The following C9orf85 variants were observed in gnomAD, a reference collection of about 807,000 sequenced individuals.
C9orf85 encodes uncharacterized protein C9orf85.
C9orf85 carries 16 observed loss-of-function variants against 14.9 expected under a neutral mutation model. That is an observed-to-expected ratio of 1.08 (90% CI 0.73 to 1.63). C9orf85 has a LOEUF of 1.63. Among genes scored for constraint, C9orf85 ranks in the 40% most tolerant of loss-of-function variants. The probability of loss-of-function intolerance (pLI) is 0.00; values close to 1 mark genes in which losing one functional copy is unlikely to be tolerated. For synonymous variants in C9orf85, 45 were observed against 56.8 expected (o/e 0.79, Z 0.93); for missense variants, 172 against 186.1 (o/e 0.92, Z 0.44).
chr9:71,971,619 G>T lies in C9orf85; in HGVS notation c.323+1G>T. On this transcript the variant is annotated splice_donor_variant, in intron 3 of 3. Coordinates refer to ENST00000334731, the MANE Select transcript of C9orf85 (RefSeq NM_182505.5). LOFTEE classifies it high-confidence loss of function. ...GAAAGAAAGAAGACATTGTTATTCC[G>T]TGAGTGTTTCCTTTTATGTTTGAAT... is the stretch of plus-strand genomic sequence containing the variant. 1 of 1,579,154 alleles carries T rather than the reference G, an allele frequency of 6.3e-7. No homozygotes were observed. The highest frequency in any genetic ancestry group is 8.7e-7 in the Non-Finnish European group (1 of 1,149,866).
chr9:71,980,908 T>A (rs1357205550), intron 3 of C9orf85, among the ~76,000 whole-genome samples: 1 of 152,174 alleles, frequency 6.6e-6, no homozygotes, highest in Non-Finnish European at 1.5e-5. Flanking sequence ...TCATAAATAA[T>A]TTGGAAACAA....
At chr9:71,917,314 T>C (rs1376326917) in intron 1 of C9orf85, among the ~76,000 whole-genome samples, 1 of 152,172 alleles carries the variant, frequency 6.6e-6, no homozygotes, top group Admixed American at 6.5e-5. Flanking sequence ...TCACATGCCA[T>C]ACATGTGGGC....
chr9:71,912,979 T>C (rs770786117), intron 1 of C9orf85, among the ~76,000 whole-genome samples: 11 of 152,258 alleles, frequency 7.2e-5, no homozygotes, highest in Admixed American at 2.0e-4. Flanking sequence ...AACAGGGGCA[T>C]ATTAGGGGCC....
At chr9:71,930,947 G>T (rs1444711241) in intron 1 of C9orf85, among the ~76,000 whole-genome samples, 1 of 152,130 alleles carries the variant, frequency 6.6e-6, no homozygotes, top group Non-Finnish European at 1.5e-5. Flanking sequence ...TAAGGCAGAG[G>T]TAATTCAGTG....
chr9:71,952,625 A>G (rs1407904530), intron 2 of C9orf85, among the ~76,000 whole-genome samples: 1 of 152,100 alleles, frequency 6.6e-6, no homozygotes, highest in African/African-American at 2.4e-5. Flanking sequence ...AGCCTCCCCA[A>G]GTGCTGGGAT....
intron 2 of C9orf85, among the ~76,000 whole-genome samples, chr9:71,959,921 T>G (rs1159804552): frequency 6.6e-6 from 1 of 152,188 alleles, no homozygotes; most frequent in Non-Finnish European, 1.5e-5. Context: ...TTGCAATTAT[T>G]TTAAATAGCA....
intron 1 of C9orf85, among the ~76,000 whole-genome samples, chr9:71,918,254 TTTTGGGAAA>T (rs1827704246): frequency 6.6e-6 from 1 of 152,152 alleles, no homozygotes; most frequent in South Asian, 2.1e-4. Flanking sequence ...TTGCCTTTTG[TTTTGGGAAA>T]GTTGAAGGAA....
intron 2 of C9orf85, among the ~76,000 whole-genome samples, chr9:71,960,361 T>C (rs1271414308): frequency 1.3e-5 from 2 of 152,220 alleles, no homozygotes; most frequent in Admixed American, 6.5e-5. Flanking sequence ...TTTTCTTTTT[T>C]CTCATTGCAT....
At chr9:71,973,915 T>G (rs1193561672), downstream of C9orf85, among the ~76,000 whole-genome samples, 1 of 150,612 alleles carries the variant, frequency 6.6e-6, no homozygotes, top group African/African-American at 2.4e-5. Flanking sequence ...ATTTCTTTAA[T>G]TTTATTTATT....
downstream of C9orf85, among the ~76,000 whole-genome samples, chr9:71,976,199 C>T (rs1010936913): frequency 6.6e-6 from 1 of 152,154 alleles, no homozygotes; most frequent in Non-Finnish European, 1.5e-5. Flanking sequence ...GAGATGAAGG[C>T]TTTGTTTTGT....
chr9:71,922,648 A>C (rs1564083041), intron 1 of C9orf85, among the ~76,000 whole-genome samples: 1 of 152,178 alleles, frequency 6.6e-6, no homozygotes, highest in Admixed American at 6.5e-5. Context: ...CTAAACTCCT[A>C]GTTACACCTT....
At chr9:71,916,537 A>G (rs185433734) in intron 1 of C9orf85, among the ~76,000 whole-genome samples, 2 of 152,334 alleles carry the variant, frequency 1.3e-5, no homozygotes, top group African/African-American at 4.8e-5. Context: ...CATAATACCT[A>G]TTGAACTAAT....
downstream of C9orf85, chr9:71,973,575 T>G (rs1822945425): frequency 6.6e-6 from 1 of 152,204 alleles, no homozygotes; most frequent in South Asian, 2.1e-4. Context: ...ACATTTTAAC[T>G]TTTTTCTCGT....
intron 2 of C9orf85, 58 bp from the exon 3 acceptor site, chr9:71,971,442 CTTATT>C (rs1822859828): frequency 5.8e-6 from 6 of 1,027,432 alleles, no homozygotes; most frequent in Non-Finnish European, 7.0e-6. Flanking sequence ...TTAGACACAT[CTTATT>C]TTATCAAATA....
At chr9:71,981,847 A>G (rs377373391) in intron 3 of C9orf85, among the ~76,000 whole-genome samples, 3 of 152,218 alleles carry the variant, frequency 2.0e-5, no homozygotes, top group East Asian at 1.9e-4. Flanking sequence ...GTTAAATTGT[A>G]TGAAAGCTTT....
intron 2 of C9orf85, among the ~76,000 whole-genome samples, chr9:71,964,380 A>G (rs1822625111): frequency 6.6e-6 from 1 of 151,836 alleles, no homozygotes; most frequent in African/African-American, 2.4e-5. Flanking sequence ...CTTTGCAATA[A>G]ATCTTGCTGC....
intron 1 of C9orf85, among the ~76,000 whole-genome samples, chr9:71,942,478 T>C (rs530799459): frequency 9.8e-5 from 15 of 152,360 alleles, no homozygotes; most frequent in Admixed American, 9.8e-4. Context: ...GTAATTTCCC[T>C]CCTGCCCTTA....
intron 1 of C9orf85, among the ~76,000 whole-genome samples, chr9:71,917,820 G>A (rs78576096): frequency 8.5e-5 from 13 of 152,258 alleles, no homozygotes; most frequent in East Asian, 3.9e-4. Flanking sequence ...TAAATTGTAC[G>A]TTTAAGGCCT....
intron 1 of C9orf85, among the ~76,000 whole-genome samples, chr9:71,923,783 T>C (rs1463844223): frequency 1.3e-5 from 2 of 152,156 alleles, no homozygotes; most frequent in East Asian, 3.8e-4. Flanking sequence ...TAGATGAAAC[T>C]ATCCCTGAGG....
Sources: gnomAD v4.1 joint callset for allele counts (sites outside exome capture counted in the v4.1 genomes callset) on GRCh38, gnomAD v4.1.1 for gene constraint, MANE v1.5 for transcripts, NCBI Gene and HGNC (gene_info 2026-07-23, HGNC 2026-07-21) for gene names.